The following ADGRE2 variants were observed in gnomAD, a reference collection of about 807,000 sequenced individuals.
ADGRE2 encodes the protein adhesion G protein-coupled receptor E2, also known as CD97 antigen.
ADGRE2 carries 83 observed loss-of-function variants against 100.8 expected under a neutral mutation model. The observed-to-expected ratio is 0.82, with a 90% CI of 0.69 to 0.99. The LOEUF is 0.99. Ranked by LOEUF, ADGRE2 falls within the 50% of genes least tolerant of loss-of-function variation. ADGRE2 has a pLI of 0.00. For synonymous variants in ADGRE2, 355 were observed against 413.0 expected (o/e 0.86, Z 1.70); for missense variants, 814 against 1,035.7 (o/e 0.79, Z 2.94).
downstream of ADGRE2, chr19:14,731,142 C>T: frequency 6.5e-7 from 1 of 1,531,538 alleles, no homozygotes. Flanking sequence ...CTTCTCTTTC[C>T]CTCATTCTTC....
the ADGRE2 span, among the ~76,000 whole-genome samples, chr19:14,724,578 C>CA: frequency 6.6e-6 from 1 of 152,134 alleles, no homozygotes; most frequent in African/African-American, 2.4e-5. Flanking sequence ...CCAGCCTGGC[C>CA]AACATGGTGA....
At chr19:14,756,876 C>T (rs748395919) in intron 11 of ADGRE2, among the ~76,000 whole-genome samples, 8 of 150,552 alleles carry the variant, frequency 5.3e-5, no homozygotes, top group Non-Finnish European at 1.0e-4. Flanking sequence ...ATACATTTTA[C>T]GAAGGAGACT....
chr19:14,764,289 T>A, intron 11 of ADGRE2, 144 bp downstream of exon 11: 1 of 717,050 alleles, frequency 1.4e-6, no homozygotes, highest in South Asian at 1.8e-5. Flanking sequence ...GACTGGTATG[T>A]ATTTCTTTTT....
downstream of ADGRE2, among the ~76,000 whole-genome samples, chr19:14,730,448 C>CT (rs1568567895): frequency 6.6e-6 from 1 of 151,540 alleles, no homozygotes; most frequent in Non-Finnish European, 1.5e-5. Flanking sequence ...TCTTTCCTTC[C>CT]TCCCTTCCTC....
At chr19:14,740,014 T>C (rs1355439853) in intron 20 of ADGRE2, among the ~76,000 whole-genome samples, 1 of 151,348 alleles carries the variant, frequency 6.6e-6, no homozygotes, top group Non-Finnish European at 1.5e-5. Context: ...GGCACGAGAA[T>C]CACTTGAACC....
At chr19:14,763,901 C>T (rs954487373) in intron 11 of ADGRE2, among the ~76,000 whole-genome samples, 5 of 139,764 alleles carry the variant, frequency 3.6e-5, no homozygotes, top group African/African-American at 1.3e-4. Flanking sequence ...TGTCCTCCTC[C>T]TCCCATCCTC....
intron 18 of ADGRE2, 76 bp from the exon 19 acceptor site, chr19:14,743,860 A>G: frequency 7.3e-7 from 1 of 1,362,966 alleles, no homozygotes; most frequent in Non-Finnish European, 1.0e-6. Flanking sequence ...GTGCCCATGG[A>G]GTCCCCTGCC....
chr19:14,767,387 C>T (rs145717654), intron 5 of ADGRE2, among the ~76,000 whole-genome samples: 2,939 of 152,064 alleles, frequency 0.019, 88 homozygotes, highest in African/African-American at 0.066. Flanking sequence ...TACAGGCGCC[C>T]GCCACCATGC....
the ADGRE2 span, among the ~76,000 whole-genome samples, chr19:14,724,745 A>G: frequency 2.2e-3 from 329 of 152,316 alleles, 1 homozygote; most frequent in African/African-American, 7.7e-3. Flanking sequence ...CAGCCTGGGC[A>G]ACAAGAGTGA....
intron 20 of ADGRE2, among the ~76,000 whole-genome samples, chr19:14,737,245 T>A (rs1349246449): frequency 6.6e-6 from 1 of 151,790 alleles, no homozygotes; most frequent in Non-Finnish European, 1.5e-5. Context: ...TGGAGTGCAG[T>A]GGCACCATCT....
At chr19:14,754,542 G>GGATTCTTAAGAGC (rs1473578575) in intron 14 of ADGRE2, among the ~76,000 whole-genome samples, 1 of 151,850 alleles carries the variant, frequency 6.6e-6, no homozygotes, top group Non-Finnish European at 1.5e-5. Context: ...AGCTTAAGAG[G>GGATTCTTAAGAGC]GATTCTGCGT....
At chr19:14,774,190 C>T (rs940984718) in intron 3 of ADGRE2, 66 bp downstream of exon 3, 8 of 1,513,598 alleles carry the variant, frequency 5.3e-6, no homozygotes, top group East Asian at 4.6e-5. Context: ...GGGGGCTGGG[C>T]GGGGGTCCAG....
chr19:14,752,827 A>T (rs1278489617), intron 14 of ADGRE2, among the ~76,000 whole-genome samples: 3 of 151,394 alleles, frequency 2.0e-5, no homozygotes, highest in Admixed American at 2.0e-4. Flanking sequence ...GCTGGAGTGC[A>T]GTGGTGCGAT....
rs893708072 is a variant in ADGRE2 at position 14,772,291 on chromosome 19, G to A, written c.355+51C>T. The A allele has an allele frequency of 1.9e-6, 3 of 1,608,098 alleles. No individual in the cohort carries two copies. The East Asian group carries it at 6.7e-5, about 36-fold the overall frequency. The stretch of plus-strand genomic sequence containing the variant: ...TGGATGCTGCAGAAACAGCTCTGGT[G>A]ACCCCAAACCTCATGGACAGTGGTG... On this transcript the variant is annotated intron_variant, in intron 5 of 20. Coordinates refer to ENST00000315576, the MANE Select transcript of ADGRE2 (RefSeq NM_013447.4).
At chr19:14,741,706 C>T (rs924692032) in intron 20 of ADGRE2, 5 of 192,540 alleles carry the variant, frequency 2.6e-5, no homozygotes, top group Admixed American at 6.2e-5. Flanking sequence ...AGGATGGTCT[C>T]GATCTCCTGA....
At chr19:14,754,171 G>A (rs970045890) in intron 14 of ADGRE2, among the ~76,000 whole-genome samples, 70 of 151,990 alleles carry the variant, frequency 4.6e-4, no homozygotes, top group African/African-American at 1.6e-3. Flanking sequence ...CAGACTCCAA[G>A]TTCTTCAGTT....
intron 18 of ADGRE2, among the ~76,000 whole-genome samples, chr19:14,745,396 T>C (rs1042451492): frequency 6.6e-6 from 1 of 152,198 alleles, no homozygotes; most frequent in Non-Finnish European, 1.5e-5. Flanking sequence ...GTCTACCATT[T>C]GTATGTGTTG....
At chr19:14,777,015 CGT>C (rs2044471012) in intron 1 of ADGRE2, 88 bp from the exon 2 acceptor site, 4 of 1,315,288 alleles carry the variant, frequency 3.0e-6, no homozygotes, top group Middle Eastern at 2.9e-4. Flanking sequence ...CACACACACA[CGT>C]GTACTCGCTC....
intron 14 of ADGRE2, among the ~76,000 whole-genome samples, chr19:14,754,033 G>A (rs1265747523): frequency 6.6e-6 from 1 of 152,118 alleles, no homozygotes; most frequent in African/African-American, 2.4e-5. Context: ...TAATCTGGGT[G>A]GGCACTGTCT....
Sources: gnomAD v4.1 joint callset for allele counts (sites outside exome capture counted in the v4.1 genomes callset) on GRCh38, gnomAD v4.1.1 for gene constraint, MANE v1.5 for transcripts, NCBI Gene and HGNC (gene_info 2026-07-23, HGNC 2026-07-21) for gene names.